Variants in ADGRB1 observed in about 807,000 individuals in gnomAD.
ADGRB1 encodes the protein brain-specific angiogenesis inhibitor 1.
ADGRB1 carries 36 observed loss-of-function variants against 175.7 expected under a neutral mutation model. The observed-to-expected ratio is 0.20, with a 90% CI of 0.16 to 0.27. ADGRB1 has a LOEUF of 0.27. Ranked by LOEUF, ADGRB1 falls within the 10% of genes least tolerant of loss-of-function variation. The pLI is 1.00. For synonymous variants in ADGRB1, 1,054 were observed against 979.4 expected, an observed-to-expected ratio of 1.08 and a Z score of -1.42; for missense variants, 1,731 against 2,255.3, an observed-to-expected ratio of 0.77 and a Z score of 4.71.
chr8:142,500,158 C>A (rs1044474665), intron 17 of ADGRB1, among the ~76,000 whole-genome samples: 2 of 152,010 alleles, frequency 1.3e-5, no homozygotes, highest in East Asian at 1.9e-4. Flanking sequence ...TGCCTGGGAT[C>A]GGGGCAGGCA....
intron 25 of ADGRB1, among the ~76,000 whole-genome samples, chr8:142,534,353 T>G (rs958976078): frequency 1.1e-4 from 17 of 152,256 alleles, no homozygotes; most frequent in African/African-American, 3.8e-4. Context: ...CCTCTTGGCC[T>G]CCGCGGCCTG....
At chr8:142,469,414 TGAGTGTGTGCACGTGTGAATGA>T (rs1225534889) in intron 2 of ADGRB1, among the ~76,000 whole-genome samples, 1 of 148,120 alleles carries the variant, frequency 6.8e-6, no homozygotes, top group Non-Finnish European at 1.5e-5. Flanking sequence ...GATGTGAATG[TGAGTGTGTGCACGTGTGAATGA>T]GTGTGTGCAC....
rs113237296 is a variant in ADGRB1 at position 142,492,013 on chromosome 8, C to A, written c.2675+1198C>A. Among the ~76,000 whole-genome samples the A allele has an allele frequency of 1.2e-4, 18 of 151,956 alleles. No individual in the cohort carries two copies. The highest frequency in any genetic ancestry group is 4.1e-4 in the African/African-American group (17 of 41,360). On this transcript the variant is annotated intron_variant, in intron 17 of 30. Coordinates refer to ENST00000517894, the MANE Select transcript of ADGRB1 (RefSeq NM_001702.3). The surrounding 1 kb of genome is among the most constrained non-coding windows in gnomAD (Gnocchi z 4.4). ...GCAGGCAGGGGCTCAGGGGAGGCCG[C>A]GGCAGGGTGAGGACAGTTAGTGGGG...
intron 17 of ADGRB1, 105 bp downstream of exon 17, chr8:142,490,920 C>G (rs930929267): frequency 2.1e-5 from 30 of 1,419,554 alleles, no homozygotes; most frequent in Admixed American, 1.8e-4. Context: ...CCACTTGCCC[C>G]CCAGCTGTCT....
intron 17 of ADGRB1, 24 bp downstream of exon 17, chr8:142,490,839 C>G: frequency 6.4e-7 from 1 of 1,567,916 alleles, no homozygotes. Context: ...GATTTCATGG[C>G]CGTGGGGGTC....
At chr8:142,475,701 G>T in intron 3 of ADGRB1, 66 bp downstream of exon 3, 5 of 1,211,162 alleles carry the variant, frequency 4.1e-6, no homozygotes, top group Non-Finnish European at 5.1e-6. Context: ...GGGAGGAGAG[G>T]GGGGTGGGGC....
At position 142,510,825 on chromosome 8, in the gene ADGRB1, G is replaced by A. The variant is rs1843058823; in HGVS notation, c.2676-107G>A. On this transcript the variant is annotated intron_variant, in intron 17 of 30. Coordinates refer to ENST00000517894, the MANE Select transcript of ADGRB1 (RefSeq NM_001702.3). The surrounding 1 kb of genome is among the most constrained non-coding windows in gnomAD (Gnocchi z 6.3). ...GGGCGCAGGTGCGGGGCGGCGGGCC[G>A]GGGCCGGGGCCGGGGCGCGGAGCCG... 1.4e-5 allele frequency: 7 copies of A among 484,742 alleles called. No individual in the cohort carries two copies. The highest frequency in any genetic ancestry group is 1.9e-5 in the Non-Finnish European group (7 of 376,074). The allele number at this position is 484,742 out of a possible 1,614,324, so 30.0% of individuals were successfully genotyped here.
chr8:142,500,465 T>C (rs1411287271), intron 17 of ADGRB1, among the ~76,000 whole-genome samples: 1 of 147,312 alleles, frequency 6.8e-6, no homozygotes, highest in African/African-American at 2.6e-5. Flanking sequence ...CTCTCAGTCA[T>C]GCCTCGTGGG....
chr8:142,452,134 C>T (rs1015331246), intron 1 of ADGRB1, among the ~76,000 whole-genome samples: 1 of 152,232 alleles, frequency 6.6e-6, no homozygotes, highest in Non-Finnish European at 1.5e-5. Context: ...CGCCCGGCGC[C>T]CCACGCCCTC....
rs1023500083 is a variant in ADGRB1 at position 142,474,807 on chromosome 8, C to T, written c.785-667C>T. Among the ~76,000 whole-genome samples, 4 of 152,034 alleles carry T rather than the reference C, an allele frequency of 2.6e-5. No homozygotes were observed. Among genetic ancestry groups the T allele is most frequent in the African/African-American group, 7.3e-5 (3 of 41,376 alleles). On this transcript the variant is annotated intron_variant, in intron 2 of 30. Transcript: ENST00000517894. The surrounding 1 kb of genome is among the most constrained non-coding windows in gnomAD (Gnocchi z 5.8). ...TCAGGGCAGGGGCGTGGCGGGGAGG[C>T]GCCTGCAGGCATTTATCCCAGGCTC...
chr8:142,526,517 A>AC, intron 23 of ADGRB1, 25 bp from the exon 24 acceptor site: 2 of 732,984 alleles, frequency 2.7e-6, no homozygotes, highest in South Asian at 1.7e-5. Context: ...CCACCCCCAC[A>AC]CCCCCACCAC....
At chr8:142,473,267 C>A (rs551489779) in intron 2 of ADGRB1, among the ~76,000 whole-genome samples, 1 of 152,122 alleles carries the variant, frequency 6.6e-6, no homozygotes, top group East Asian at 1.9e-4. Flanking sequence ...AGGGGGGTGC[C>A]GCAGGACGTG....
intron 13 of ADGRB1, among the ~76,000 whole-genome samples, chr8:142,485,184 G>C (rs1360250631): frequency 6.6e-6 from 1 of 152,220 alleles, no homozygotes; most frequent in South Asian, 2.1e-4. Context: ...CCGAGTCTTA[G>C]TTTCCTCATT....
intron 27 of ADGRB1, among the ~76,000 whole-genome samples, chr8:142,540,211 C>G (rs941139243): frequency 6.6e-6 from 1 of 152,240 alleles, no homozygotes; most frequent in South Asian, 2.1e-4. Flanking sequence ...CTGGGACAGC[C>G]CCAGGTGGGG....
intron 18 of ADGRB1, among the ~76,000 whole-genome samples, chr8:142,512,066 T>A (rs1587379894): frequency 6.6e-6 from 1 of 152,262 alleles, no homozygotes; most frequent in African/African-American, 2.4e-5. Flanking sequence ...GGGGGGCAGG[T>A]GATGTTGGCA....
intron 2 of ADGRB1, among the ~76,000 whole-genome samples, chr8:142,470,097 G>A (rs867269397): frequency 6.6e-6 from 1 of 152,116 alleles, no homozygotes; most frequent in Non-Finnish European, 1.5e-5. Context: ...GCCACGTCAC[G>A]CGTCAGACTC....
At chr8:142,499,792 A>G (rs1842402513) in intron 17 of ADGRB1, among the ~76,000 whole-genome samples, 6 of 152,134 alleles carry the variant, frequency 3.9e-5, no homozygotes, top group Admixed American at 3.9e-4. Context: ...GGGGCGTGCA[A>G]GGAGAGGGCC....
intron 26 of ADGRB1, among the ~76,000 whole-genome samples, chr8:142,538,820 G>T (rs981806698): frequency 6.6e-6 from 1 of 152,186 alleles, no homozygotes; most frequent in African/African-American, 2.4e-5. Context: ...CCTGGATGGG[G>T]CCCCCTTGGA....
rs1192818923 is a variant in ADGRB1 at position 142,449,750 on chromosome 8, C to G, written c.-574C>G. On this transcript the variant is annotated 5_prime_UTR_variant, in exon 1 of 31. Coordinates refer to ENST00000517894, the MANE Select transcript of ADGRB1 (RefSeq NM_001702.3). ...GCGGGCGCGGCGTTGGCGGCGGCCC[C>G]GGCGGAGCGAGCGCGGAGCCGGAGA... is the stretch of plus-strand genomic sequence containing the variant. The G allele has an allele frequency of 1.4e-5, 2 of 146,598 alleles. No homozygotes were observed. Among genetic ancestry groups the G allele is most frequent in the East Asian group, 2.0e-4 (1 of 4,946 alleles). The allele number at this position is 146,598 out of a possible 1,614,324, so 9.1% of individuals were successfully genotyped here.
Sources: gnomAD v4.1 joint callset for allele counts (sites outside exome capture counted in the v4.1 genomes callset) on GRCh38, gnomAD v4.1.1 for gene constraint, Gnocchi (gnomAD v3.1) non-coding constraint, MANE v1.5 for transcripts, NCBI Gene and HGNC (gene_info 2026-07-23, HGNC 2026-07-21) for gene names.